The following HSPA4 variants were observed in gnomAD, a reference collection of about 807,000 sequenced individuals.
HSPA4 encodes heat shock 70 kDa protein 4.
A neutral mutation model predicts 106.2 loss-of-function variants in HSPA4; 25 were observed. The ratio of observed to expected loss-of-function variants is 0.24; its 90% CI spans 0.17 to 0.33. The LOEUF (loss-of-function observed/expected upper bound fraction) is 0.33. Ranked by LOEUF, HSPA4 falls within the 10% of genes least tolerant of loss-of-function variation. The pLI is 1.00. For synonymous variants in HSPA4, 332 were observed against 333.6 expected (o/e 1.00, Z 0.05); for missense variants, 841 against 996.0 (o/e 0.84, Z 2.10).
At chr5:133,091,757 A>G (rs1765650316) in intron 12 of HSPA4, among the ~76,000 whole-genome samples, 1 of 152,168 alleles carries the variant, frequency 6.6e-6, no homozygotes, top group Non-Finnish European at 1.5e-5. Flanking sequence ...TTACAAAACT[A>G]CAAATTACCT....
chr5:133,097,817 G>A (rs1434171411), intron 15 of HSPA4, among the ~76,000 whole-genome samples: 1 of 151,748 alleles, frequency 6.6e-6, no homozygotes, highest in African/African-American at 2.4e-5. Flanking sequence ...CCGAAGTGCT[G>A]GGATTACAGG....
rs1453625676 is a variant in HSPA4 at position 133,052,357 on chromosome 5, C to T, written c.107C>T (p.Pro36Leu). Residue 36 changes from proline to leucine, a missense_variant and splice_region_variant, in exon 1 of 19, where the codon CCG (proline) becomes CTG (leucine). Transcript: ENST00000304858. ...AATGAGTATAGCGACCGCTGCACGCCGTAAGTGTGGGCCGGGCCTGCCGCG... is the reference window on the plus strand; with the variant it reads ...AATGAGTATAGCGACCGCTGCACGCTGTAAGTGTGGGCCGGGCCTGCCGCG... ...IANEYSDRCT[P>L]ACISFGPKNR... 6.5e-7 allele frequency: 1 copy of T among 1,541,930 alleles called. No individual in the cohort carries two copies. The highest frequency in any genetic ancestry group is 8.7e-7 in the Non-Finnish European group (1 of 1,143,710).
In HSPA4 at chr5:133,089,068, C is replaced by T. The variant is rs1765613277; in HGVS notation, c.1151C>T (p.Ser384Leu). ...RGCALQCAIL[S>L]PAFKVREFSI... Reference sequence around the variant, plus strand: ...TTATTATTCTAGTGTGCCATCTTATCGCCTGCTTTCAAAGTCAGAGAATTT... The same window carrying T: ...TTATTATTCTAGTGTGCCATCTTATTGCCTGCTTTCAAAGTCAGAGAATTT... Residue 384 changes from serine (S) to leucine (L), a missense_variant, in exon 10 of 19, where the codon TCG becomes TTG. By Grantham distance (145) the Ser-to-Leu change is moderately radical. Around this residue, in one of 5 missense-constraint regions of HSPA4, gnomAD observed 162 missense variants for 177.7 expected, o/e 0.91. Coordinates refer to ENST00000304858, the MANE Select transcript of HSPA4 (RefSeq NM_002154.4). 11 of 1,591,900 alleles carry T rather than the reference C, an allele frequency of 6.9e-6. No homozygotes were observed. Among genetic ancestry groups the T allele is most frequent in the African/African-American group, 2.7e-5 (2 of 74,476 alleles).
chr5:133,104,002 A>G lies in HSPA4; in HGVS notation c.2295A>G (p.Ser765=), dbSNP rs1322273739. 5 of 1,610,870 alleles carry G rather than the reference A, an allele frequency of 3.1e-6. No homozygotes were observed. The South Asian group carries it at 4.4e-5, about 14-fold the overall frequency. ...TGACCATGGATCCAGTTGTCAAGTC[A>G]AAAGAGATTGAAGCTAAAATTAAGG... ...QSLTMDPVVK[S]KEIEAKIKEL... Residue 765 remains serine (S), a synonymous_variant, in exon 18 of 19, where the codon TCA becomes TCG. Transcript: ENST00000304858.
intron 4 of HSPA4, among the ~76,000 whole-genome samples, chr5:133,072,801 A>G (rs574063045): frequency 1.3e-5 from 2 of 152,306 alleles, no homozygotes; most frequent in South Asian, 4.1e-4. Flanking sequence ...GGTAGTCAGC[A>G]CAAGCTGCAT....
intron 8 of HSPA4, among the ~76,000 whole-genome samples, chr5:133,087,267 C>G (rs751394000): frequency 6.6e-6 from 1 of 152,216 alleles, no homozygotes; most frequent in Non-Finnish European, 1.5e-5. Context: ...AATTTTGTCT[C>G]AGGCTAAAAG....
intron 1 of HSPA4, among the ~76,000 whole-genome samples, chr5:133,057,533 C>G (rs1319973852): frequency 6.6e-6 from 1 of 152,044 alleles, no homozygotes; most frequent in Non-Finnish European, 1.5e-5. Context: ...TATGCATACA[C>G]TTATAAAAAT....
At chr5:133,078,310 C>G (rs983188203) in intron 7 of HSPA4, among the ~76,000 whole-genome samples, 1 of 146,646 alleles carries the variant, frequency 6.8e-6, no homozygotes, top group African/African-American at 2.5e-5. Flanking sequence ...CCAGCCTGGG[C>G]GACAGTGAGA....
chr5:133,056,321 AAAT>A (rs1211776776), intron 1 of HSPA4, among the ~76,000 whole-genome samples: 5 of 151,846 alleles, frequency 3.3e-5, no homozygotes, highest in East Asian at 2.1e-4. Context: ...AGAGCCTTGT[AAAT>A]AATAATAATG....
At chr5:133,102,909 TTG>T (rs1765805747) in intron 17 of HSPA4, among the ~76,000 whole-genome samples, 3 of 137,224 alleles carry the variant, frequency 2.2e-5, no homozygotes, top group African/African-American at 8.8e-5. Context: ...CCAACTAGGG[TTG>T]TCTTTTTTTT....
rs1364900863 is a variant in HSPA4 at position 133,067,472 on chromosome 5, C to T, written c.221C>T (p.Ala74Val). 2 of 1,613,324 alleles carry T rather than the reference C, an allele frequency of 1.2e-6. No individual in the cohort carries two copies. The highest frequency in any genetic ancestry group is 1.3e-5 in the African/African-American group (1 of 75,036). ...VQGFKRFHGR[A>V]FSDPFVEAEK... Reference sequence around the variant, plus strand: ...GGATTTAAAAGATTCCATGGCCGAGCATTCTCTGATCCATTTGTGGAGGCA... The same window carrying T: ...GGATTTAAAAGATTCCATGGCCGAGTATTCTCTGATCCATTTGTGGAGGCA... The change falls in exon 3 of 19, where the codon GCA (alanine) becomes GTA (valine). Residue 74 changes from alanine to valine, a missense_variant. Coordinates refer to ENST00000304858, the MANE Select transcript of HSPA4 (RefSeq NM_002154.4).
intron 1 of HSPA4, 105 bp downstream of exon 1, chr5:133,052,462 C>T (rs1221197937): frequency 1.2e-5 from 9 of 766,462 alleles, no homozygotes; most frequent in African/African-American, 3.6e-5. Context: ...GAGTCGCCTC[C>T]GTTCCGAGCC....
At chr5:133,087,971 A>G (rs929911934) in intron 8 of HSPA4, among the ~76,000 whole-genome samples, 2 of 152,190 alleles carry the variant, frequency 1.3e-5, no homozygotes, top group Non-Finnish European at 2.9e-5. Flanking sequence ...GGATTAGAAC[A>G]CTGGAGTAGC....
intron 7 of HSPA4, among the ~76,000 whole-genome samples, chr5:133,085,098 A>G (rs961793900): frequency 7.9e-5 from 12 of 152,160 alleles, no homozygotes; most frequent in African/African-American, 2.4e-4. Flanking sequence ...GCACCCAACT[A>G]GAAGTCACCC....
intron 7 of HSPA4, among the ~76,000 whole-genome samples, chr5:133,085,106 C>T (rs1401832894): frequency 2.0e-5 from 3 of 152,022 alleles, no homozygotes; most frequent in African/African-American, 7.2e-5. Flanking sequence ...CTAGAAGTCA[C>T]CCTTTTAACG....
intron 17 of HSPA4, among the ~76,000 whole-genome samples, chr5:133,102,883 G>T: frequency 7.0e-6 from 1 of 142,846 alleles, no homozygotes; most frequent in African/African-American, 2.7e-5. Context: ...GGGACTATAG[G>T]CACGTACCAC....
chr5:133,099,325 G>GT (rs34144090), intron 15 of HSPA4, among the ~76,000 whole-genome samples: 3 of 151,570 alleles, frequency 2.0e-5, no homozygotes, highest in Non-Finnish European at 2.9e-5. Flanking sequence ...TGGAGACGGG[G>GT]TTTCACCATG....
At chr5:133,089,725 A>G in intron 11 of HSPA4, 30 bp downstream of exon 11, 1 of 1,308,646 alleles carries the variant, frequency 7.6e-7, no homozygotes. Flanking sequence ...TTAAAAAAGA[A>G]AAAAAAAAAA....
intron 1 of HSPA4, among the ~76,000 whole-genome samples, chr5:133,054,375 G>A (rs1339644134): frequency 6.6e-6 from 1 of 151,914 alleles, no homozygotes; most frequent in African/African-American, 2.4e-5. Flanking sequence ...GCTAATTTTT[G>A]TCTTTTTTAG....
Sources: allele counts gnomAD v4.1 joint callset (sites outside exome capture counted in the v4.1 genomes callset), GRCh38; gene constraint gnomAD v4.1.1; regional missense constraint gnomAD v4.1.1; transcripts MANE v1.5; gene names NCBI Gene and HGNC (gene_info 2026-07-23, HGNC 2026-07-21).